Variants in BCAR1 observed in about 807,000 individuals in gnomAD.
BCAR1 encodes the protein breast cancer anti-estrogen resistance protein 1.
In BCAR1, 30 loss-of-function variants were observed where a neutral mutation model predicts 67.6. The observed-to-expected ratio is 0.44, with a 90% confidence interval of 0.33 to 0.60. BCAR1 has a LOEUF of 0.60. Among genes scored for constraint, BCAR1 ranks in the 20% least tolerant of loss-of-function variants. The probability of loss-of-function intolerance (pLI) is 0.02; values close to 1 mark genes in which losing one functional copy is unlikely to be tolerated. For synonymous variants in BCAR1, 626 were observed against 556.7 expected, an observed-to-expected ratio of 1.12 and a Z score of -1.75; for missense variants, 1,313 against 1,222.3, an observed-to-expected ratio of 1.07 and a Z score of -1.11.
At chr16:75,246,300 T>A (rs1567612883) in intron 1 of BCAR1, 1 of 152,276 alleles carries the variant, frequency 6.6e-6, no homozygotes, top group East Asian at 1.9e-4. Flanking sequence ...AAGATTCGCC[T>A]GGCCCCTGCT....
At position 75,267,310 on chromosome 16, in the gene BCAR1, G is replaced by C. The variant is rs534837876; in HGVS notation, c.66+605C>G. Among the ~76,000 whole-genome samples, 937 of 151,872 alleles carry C rather than the reference G, an allele frequency of 6.2e-3. 7 individuals carry two copies. The highest frequency in any genetic ancestry group is 0.022 in the African/African-American group (895 of 41,304). On this transcript the variant is annotated intron_variant, in intron 1 of 6. Transcript: ENST00000393422. ...TGGTTGCCCCTTCACCTCTTGAGTGGGGTTCCCAACTGTGCACATCAGCGT... is the reference window on the plus strand; with the variant it reads ...TGGTTGCCCCTTCACCTCTTGAGTGCGGTTCCCAACTGTGCACATCAGCGT...
intron 2 of BCAR1, chr16:75,238,086 C>A: frequency 7.8e-7 from 1 of 1,288,952 alleles, no homozygotes; most frequent in Non-Finnish European, 1.0e-6. Context: ...CCCAGGTGCT[C>A]TTACCATGAC....
At chr16:75,234,421 C>G (rs150050149) in intron 5 of BCAR1, among the ~76,000 whole-genome samples, 1 of 152,214 alleles carries the variant, frequency 6.6e-6, no homozygotes, top group Non-Finnish European at 1.5e-5. Context: ...AATCCCTCCC[C>G]CTTGGCCTAA....
chr16:75,238,476 A>G, intron 2 of BCAR1: 1 of 1,004,708 alleles, frequency 1.0e-6, no homozygotes, highest in African/African-American at 1.7e-5. Flanking sequence ...GAACCCCTAG[A>G]GGCCCTCCCA....
intron 1 of BCAR1, among the ~76,000 whole-genome samples, chr16:75,257,846 G>A (rs1277210629): frequency 2.0e-5 from 3 of 152,206 alleles, no homozygotes; most frequent in Non-Finnish European, 4.4e-5. Context: ...ATAGATAAAG[G>A]CTCCTCTGCC....
At chr16:75,266,022 G>GCGCATGCGCCGCCCGCGCCGC (rs2078003713) in intron 1 of BCAR1, 2 of 1,021,316 alleles carry the variant, frequency 2.0e-6, no homozygotes, top group Non-Finnish European at 2.3e-6. Context: ...CGCCCGCGCC[G>GCGCATGCGCCGCCCGCGCCGC]CCCCCCCCAC....
At chr16:75,266,204 A>C in intron 1 of BCAR1, 10 of 199,320 alleles carry the variant, frequency 5.0e-5, no homozygotes, top group Non-Finnish European at 9.1e-5. Context: ...CCCCAACACT[A>C]CACTGCCCTG....
chr16:75,233,789 T>C, intron 6 of BCAR1, 57 bp downstream of exon 6: 1 of 1,521,844 alleles, frequency 6.6e-7, no homozygotes, highest in Non-Finnish European at 8.9e-7. Flanking sequence ...GGGCAAGAGC[T>C]GGGGGCTCAG....
intron 1 of BCAR1, chr16:75,266,762 G>A (rs759416982): frequency 6.9e-7 from 1 of 1,455,104 alleles, no homozygotes; most frequent in African/African-American, 1.4e-5. Flanking sequence ...CTGCTTCCTG[G>A]GGACGGTGGG....
At chr16:75,234,823 T>G in intron 5 of BCAR1, 66 bp downstream of exon 5, 2 of 1,505,308 alleles carry the variant, frequency 1.3e-6, no homozygotes, top group Admixed American at 4.6e-5. Context: ...TGAGAACAAA[T>G]CTCCCCCTAA....
In BCAR1 at chr16:75,236,664, A is replaced by T. The variant is rs1038153434; in HGVS notation, c.912+218T>A. ...CGGATACCCTCTCAGGAGCTCATGG[A>T]GAAGGCCTCGCAACAGGCGGTTCTG... On this transcript the variant is annotated intron_variant, in intron 4 of 6. Coordinates refer to ENST00000162330, the MANE Select transcript of BCAR1 (RefSeq NM_014567.5). The T allele has an allele frequency of 2.3e-5, 21 of 915,632 alleles. No homozygotes were observed. The East Asian group carries it at 6.3e-4, about 28-fold the overall frequency. The allele number at this position is 915,632 out of a possible 1,614,324, so 56.7% of individuals were successfully genotyped here. A position where few individuals can be genotyped will look rare whatever the true frequency, so the allele number is the denominator to read the frequency against.
At chr16:75,267,048 C>T (rs1028313534) in intron 1 of BCAR1, among the ~76,000 whole-genome samples, 7 of 152,188 alleles carry the variant, frequency 4.6e-5, no homozygotes, top group Non-Finnish European at 1.5e-5. Context: ...AGGCTGACTT[C>T]CCCCAGCTCC....
rs201039708 is a variant in BCAR1 at position 75,237,394 on chromosome 16, G to A, written c.634-50C>T. On this transcript the variant is annotated intron_variant, in intron 2 of 6. Transcript: ENST00000162330. ...TGCTGCCCTCAAACCAGCCCTTAGG[G>A]AGGCTCCACTCACACCTGGGAGCCA... 35 of 1,413,944 alleles carry A rather than the reference G, an allele frequency of 2.5e-5. No individual in the cohort carries two copies. The African/African-American group carries it at 5.0e-4, about 20-fold the overall frequency. 87.6% of individuals were successfully genotyped at this position (1,413,944 alleles called of 1,614,324 possible).
rs905573678 is a variant in BCAR1, at chr16:75,266,691, G to A, written c.66+1224C>T. 2.9e-6 allele frequency: 4 copies of A among 1,356,370 alleles called. No individual in the cohort carries two copies. In the South Asian group the frequency reaches 7.2e-5, roughly 24 times the overall value. The allele number at this position is 1,356,370 out of a possible 1,614,324, so 84.0% of individuals were successfully genotyped here. A position where few individuals can be genotyped will look rare whatever the true frequency, so the allele number is the denominator to read the frequency against. On this transcript the variant is annotated intron_variant, in intron 1 of 6. Transcript: ENST00000393422. ...GCTGATGCCCCGTTACATTTCATAG[G>A]CCCAGGCACTGAGATCCCTCACCCA...
chr16:75,265,994 G>GCCGCGCCGCGCATGCGCCGC (rs1223005901), intron 1 of BCAR1: 196 of 1,043,094 alleles, frequency 1.9e-4, no homozygotes, highest in Middle Eastern at 1.4e-3. Context: ...GGCCGCTCCA[G>GCCGCGCCGCGCATGCGCCGC]CCGCGCCGCG....
At chr16:75,238,819 G>T in intron 2 of BCAR1, 1 of 985,444 alleles carries the variant, frequency 1.0e-6, no homozygotes, top group Non-Finnish European at 1.2e-6. Context: ...GGCAGGCGGG[G>T]CGGAGGGACG....
intron 2 of BCAR1, among the ~76,000 whole-genome samples, chr16:75,241,342 T>C (rs2077333884): frequency 6.6e-6 from 1 of 152,060 alleles, no homozygotes; most frequent in African/African-American, 2.4e-5. Flanking sequence ...TGTGCATGGG[T>C]GTTCGTATCT....
intron 1 of BCAR1, chr16:75,264,212 C>T (rs775680836): frequency 6.7e-6 from 9 of 1,344,712 alleles, no homozygotes; most frequent in Non-Finnish European, 7.6e-6. Flanking sequence ...GTCAGGGTGC[C>T]ATCCCAGACT....
chr16:75,241,698 G>C lies in BCAR1; in HGVS notation c.633+772C>G, dbSNP rs1416510558. 2.6e-5 allele frequency among the ~76,000 whole-genome samples: 4 copies of C among 152,326 alleles called. No individual in the cohort carries two copies. The East Asian group carries it at 7.7e-4, about 29-fold the overall frequency. ...CCTGGGTACCAGGCCACCCATGGGC[G>C]GGGGTGGGGGTAACTCCCAGCTGAC... On this transcript the variant is annotated intron_variant, in intron 2 of 6. Transcript: ENST00000162330.
Sources: allele counts gnomAD v4.1 joint callset (sites outside exome capture counted in the v4.1 genomes callset), GRCh38; gene constraint gnomAD v4.1.1; transcripts MANE v1.5; gene names NCBI Gene and HGNC (gene_info 2026-07-23, HGNC 2026-07-21).